SRFBP1: variants seen among roughly 807,000 people sequenced by gnomAD.
SRFBP1 encodes the protein serum response factor-binding protein 1.
A neutral mutation model predicts 45.5 loss-of-function variants in SRFBP1; 47 were observed. The ratio of observed to expected loss-of-function variants is 1.03; its 90% CI spans 0.82 to 1.32. The LOEUF (loss-of-function observed/expected upper bound fraction) is 1.32, where lower values mean the gene tolerates loss of function less well. SRFBP1 is among the 40% of genes most tolerant of loss of function. The pLI, the probability that SRFBP1 is intolerant of heterozygous loss-of-function variation, is 0.00. For missense variants in SRFBP1, 621 were observed against 484.6 expected, an observed-to-expected ratio of 1.28 and a Z score of -2.64; for synonymous variants, 203 against 166.3, an observed-to-expected ratio of 1.22 and a Z score of -1.70.
intron 7 of SRFBP1, among the ~76,000 whole-genome samples, chr5:122,024,167 C>T (rs184631503): frequency 1.4e-4 from 21 of 152,316 alleles, no homozygotes; most frequent in African/African-American, 4.6e-4. Context: ...GCCAGTAATA[C>T]GCTGATCTTT....
chr5:122,007,862 C>CATGGAGCA, intron 4 of SRFBP1, among the ~76,000 whole-genome samples: 1 of 152,090 alleles, frequency 6.6e-6, no homozygotes, highest in East Asian at 1.9e-4. Context: ...GTCTGAAACC[C>CATGGAGCA]GGGGCCACAG....
intron 2 of SRFBP1, among the ~76,000 whole-genome samples, chr5:122,053,757 G>A (rs1309402637): frequency 2.0e-5 from 3 of 152,120 alleles, no homozygotes; most frequent in African/African-American, 4.8e-5. Flanking sequence ...CTCCAGTTGA[G>A]TTCACACAGA....
At chr5:122,011,971 A>G (rs182301548) in intron 4 of SRFBP1, among the ~76,000 whole-genome samples, 1 of 152,140 alleles carries the variant, frequency 6.6e-6, no homozygotes, top group African/African-American at 2.4e-5. Flanking sequence ...TCAAAAACAC[A>G]TGAAGGGAGC....
intron 2 of SRFBP1, chr5:122,066,795 T>A (rs376740354): frequency 2.5e-6 from 3 of 1,219,766 alleles, no homozygotes; most frequent in Non-Finnish European, 3.6e-6. Flanking sequence ...CCTGATAATA[T>A]AATGAATGAG....
Position 122,027,698 on chromosome 5 carries a change from G to A in SRFBP1, c.*572G>A, listed in dbSNP as rs1753513617. ...ATCACCCTTGTTAAAAATCATTCTT[G>A]TTAGCAAACTAAAATAGTAACTTTT... On this transcript the variant is annotated 3_prime_UTR_variant, in exon 8 of 8. Coordinates refer to ENST00000339397, the MANE Select transcript of SRFBP1 (RefSeq NM_152546.3). 1 of 151,982 alleles carries A rather than the reference G, an allele frequency of 6.6e-6. No individual in the cohort carries two copies. The highest frequency in any genetic ancestry group is 2.1e-4 in the South Asian group (1 of 4,828). 9.4% of individuals were successfully genotyped at this position (151,982 alleles called of 1,614,324 possible).
At chr5:122,077,763 C>G, downstream of SRFBP1, 2 of 1,552,408 alleles carry the variant, frequency 1.3e-6, no homozygotes, top group East Asian at 4.8e-5. The surrounding 1 kb of genome is among the most constrained non-coding windows in gnomAD (Gnocchi z 4.9). Flanking sequence ...CCAGGGACGG[C>G]GGCGCCCGGG....
chr5:121,962,128 G>A, intron 1 of SRFBP1, 60 bp downstream of exon 1: 1 of 1,605,680 alleles, frequency 6.2e-7, no homozygotes, highest in Non-Finnish European at 8.5e-7. Context: ...GCTCTTTTGA[G>A]ACGCGTGGTC....
At position 122,020,224 on chromosome 5, in the gene SRFBP1, T is replaced by A; in HGVS notation, c.489T>A (p.Thr163=). Residue 163 remains threonine (T), a synonymous_variant, in exon 6 of 8, where the codon ACT becomes ACA. Coordinates refer to ENST00000339397, the MANE Select transcript of SRFBP1 (RefSeq NM_152546.3). ...DNGSNLQREA[T]VISEQKVKET... is the part of the protein sequence containing the mutation. ...GAAGTAATTTACAGCGTGAAGCAACTGTCATCAGTGAGCAAAAAGTCAAAG... is the reference window on the plus strand; with the variant it reads ...GAAGTAATTTACAGCGTGAAGCAACAGTCATCAGTGAGCAAAAAGTCAAAG... 1 of 1,613,354 alleles carries A rather than the reference T, an allele frequency of 6.2e-7. No homozygotes were observed. The highest frequency in any genetic ancestry group is 8.5e-7 in the Non-Finnish European group (1 of 1,179,794).
rs71623244 is a variant in SRFBP1, at chr5:121,981,553, C to CT, written c.198+6186dup. On this transcript the variant is annotated intron_variant, in intron 3 of 7. Transcript: ENST00000339397. ...TCTGTATCTTCCACTTACCCTGTAC[C>CT]TTTTTTTTTTTTTTTTTTTTAACCA... 7.9e-3 allele frequency among the ~76,000 whole-genome samples: 1,063 copies of CT among 134,724 alleles called. 10 individuals are homozygous for CT. Among genetic ancestry groups the CT allele is most frequent in the Middle Eastern group, 0.027 (7 of 260 alleles). 88.4% of individuals were successfully genotyped at this position (134,724 alleles called of 152,430 possible).
At chr5:121,990,932 G>A (rs192532207) in intron 3 of SRFBP1, among the ~76,000 whole-genome samples, 8 of 152,204 alleles carry the variant, frequency 5.3e-5, no homozygotes, top group Admixed American at 4.6e-4. Flanking sequence ...ATTCTTTAGT[G>A]CCCAAGCCTC....
chr5:121,983,971 C>T (rs942487699), intron 3 of SRFBP1, among the ~76,000 whole-genome samples: 2 of 151,724 alleles, frequency 1.3e-5, no homozygotes, highest in African/African-American at 2.4e-5. Flanking sequence ...CCCCTGTCAT[C>T]GTGCACAACT....
chr5:122,013,557 T>A (rs1753137120), intron 4 of SRFBP1, among the ~76,000 whole-genome samples: 1 of 152,116 alleles, frequency 6.6e-6, no homozygotes, highest in African/African-American at 2.4e-5. Flanking sequence ...ACACAGCTAA[T>A]TTTCTAAATC....
At chr5:122,011,873 A>G (rs1753101541) in intron 4 of SRFBP1, among the ~76,000 whole-genome samples, 1 of 152,088 alleles carries the variant, frequency 6.6e-6, no homozygotes, top group Admixed American at 6.5e-5. Context: ...TCTCAGTGCA[A>G]CAGAGACCCA....
At chr5:121,969,885 C>A (rs997591507) in intron 1 of SRFBP1, among the ~76,000 whole-genome samples, 6 of 151,992 alleles carry the variant, frequency 3.9e-5, no homozygotes, top group Non-Finnish European at 8.8e-5. Context: ...CATTTCTATG[C>A]CTCTGTTTTC....
chr5:122,062,267 C>T (rs2152582099), intron 2 of SRFBP1, among the ~76,000 whole-genome samples: 1 of 151,982 alleles, frequency 6.6e-6, no homozygotes, highest in East Asian at 1.9e-4. Flanking sequence ...ATTATTTGCT[C>T]TCCAAATTAA....
chr5:122,050,528 T>G lies in SRFBP1; in HGVS notation n.312-24787T>G, dbSNP rs78402616. ...TTCTATATTTTCTAGTTTGGGTGCA[T>G]AGAAGTGTTCATAGTAGTCTCTGTT... On this transcript the variant is annotated intron_variant and non_coding_transcript_variant, in intron 2 of 2. Transcript: ENST00000504881. Among the ~76,000 whole-genome samples, 764 of 152,284 alleles carry G rather than the reference T, an allele frequency of 5.0e-3. 10 individuals are homozygous for G. Among genetic ancestry groups the G allele is most frequent in the African/African-American group, 0.017 (721 of 41,564 alleles).
chr5:122,022,342 A>C lies in SRFBP1; in HGVS notation c.1068-28A>C, dbSNP rs373246238. The C allele has an allele frequency of 4.8e-4, 758 of 1,584,610 alleles. 1 individual carries two copies. Among genetic ancestry groups the C allele is most frequent in the Non-Finnish European group, 5.6e-4 (654 of 1,161,186 alleles). On this transcript the variant is annotated intron_variant, in intron 6 of 7. Coordinates refer to ENST00000339397, the MANE Select transcript of SRFBP1 (RefSeq NM_152546.3). ...AAGATCAGAGGATTTATCTTTAAAA[A>C]GTCATAATGGTGTTTTTCTTCTTTT...
chr5:122,054,177 C>T (rs1296037675), intron 2 of SRFBP1, among the ~76,000 whole-genome samples: 1 of 152,210 alleles, frequency 6.6e-6, no homozygotes, highest in Non-Finnish European at 1.5e-5. Context: ...CTGTTGCCCC[C>T]ACAAAACATC....
At chr5:122,039,430 G>A (rs1227938373) in intron 2 of SRFBP1, among the ~76,000 whole-genome samples, 2 of 152,144 alleles carry the variant, frequency 1.3e-5, no homozygotes, top group East Asian at 3.8e-4. Context: ...TTAAAAACTG[G>A]CTAAGTGCTC....
Sources: gnomAD v4.1 joint callset for allele counts (sites outside exome capture counted in the v4.1 genomes callset) on GRCh38, gnomAD v4.1.1 for gene constraint, Gnocchi (gnomAD v3.1) non-coding constraint, MANE v1.5 for transcripts, NCBI Gene and HGNC (gene_info 2026-07-23, HGNC 2026-07-21) for gene names.